Variants in CDKL1 observed in about 807,000 individuals in gnomAD.
CDKL1 encodes the protein cyclin-dependent kinase-like 1.
A neutral mutation model predicts 42.0 loss-of-function variants in CDKL1; 41 were observed. That is an observed-to-expected ratio of 0.98 (90% CI 0.76 to 1.27). The LOEUF (loss-of-function observed/expected upper bound fraction) is 1.27. CDKL1 is among the 50% of genes most tolerant of loss of function. The pLI is 0.00. For missense variants in CDKL1, 394 were observed against 428.4 expected, an observed-to-expected ratio of 0.92 and a Z score of 0.71; for synonymous variants, 153 against 158.6, an observed-to-expected ratio of 0.96 and a Z score of 0.26.
At chr14:50,376,380 T>A (rs2034731994) in intron 2 of CDKL1, 2 of 471,170 alleles carry the variant, frequency 4.2e-6, no homozygotes, top group Non-Finnish European at 8.8e-6. Flanking sequence ...AATAAAAGCA[T>A]CATTGCATAA....
At position 50,395,988 on chromosome 14, in the gene CDKL1, C is replaced by A; in HGVS notation, c.-120G>T. 9.4e-7 allele frequency: 1 copy of A among 1,062,398 alleles called. No homozygotes were observed. Among genetic ancestry groups the A allele is most frequent in the South Asian group, 1.5e-5 (1 of 67,984 alleles). 65.8% of individuals were successfully genotyped at this position (1,062,398 alleles called of 1,614,324 possible). A position where few individuals can be genotyped will look rare whatever the true frequency, so the allele number is the denominator to read the frequency against. On this transcript the variant is annotated 5_prime_UTR_variant, in exon 2 of 10. Transcript: ENST00000395834. ...TCACCTGAGGTCAGGAGTTCGAGACCAGTCTGGCCAACATACTGAAACTCC... is the reference window on the plus strand; with the variant it reads ...TCACCTGAGGTCAGGAGTTCGAGACAAGTCTGGCCAACATACTGAAACTCC...
chr14:50,366,655 T>C (rs2034443855), intron 2 of CDKL1, among the ~76,000 whole-genome samples: 1 of 152,210 alleles, frequency 6.6e-6, no homozygotes, highest in South Asian at 2.1e-4. Flanking sequence ...TTGTGGTGAC[T>C]TGGAGCAGAG....
intron 2 of CDKL1, among the ~76,000 whole-genome samples, chr14:50,368,501 C>T (rs192605892): frequency 9.2e-5 from 14 of 152,190 alleles, no homozygotes; most frequent in East Asian, 7.7e-4. Flanking sequence ...TGGGCTCAAG[C>T]GATCCTCTCA....
chr14:50,372,969 G>A (rs1308789886), intron 2 of CDKL1, among the ~76,000 whole-genome samples: 1 of 151,992 alleles, frequency 6.6e-6, no homozygotes, highest in Non-Finnish European at 1.5e-5. Context: ...CAGGTAGTGT[G>A]ATGGCTCCAG....
At chr14:50,330,507 C>T (rs2032876500) in intron 9 of CDKL1, 4 of 258,400 alleles carry the variant, frequency 1.5e-5, no homozygotes, top group Non-Finnish European at 2.9e-5. Flanking sequence ...TCATTTAAGC[C>T]AATGCCTTGT....
chr14:50,338,588 T>G (rs1159829520), intron 7 of CDKL1, among the ~76,000 whole-genome samples: 1 of 151,708 alleles, frequency 6.6e-6, no homozygotes, highest in Non-Finnish European at 1.5e-5. Flanking sequence ...CATAGTAGAG[T>G]AGGGAATTTG....
chr14:50,393,523 A>G (rs2035317793), intron 2 of CDKL1, among the ~76,000 whole-genome samples: 1 of 152,158 alleles, frequency 6.6e-6, no homozygotes, highest in Non-Finnish European at 1.5e-5. Flanking sequence ...CACCCAGGCT[A>G]GATAGAATAC....
chr14:50,329,923 TC>T lies in CDKL1; in HGVS notation c.*150del. The T allele has an allele frequency of 3.3e-6, 3 of 898,018 alleles. No homozygotes were observed. The highest frequency in any genetic ancestry group is 6.9e-5 in the Admixed American group (2 of 29,094). The allele number at this position is 898,018 out of a possible 1,614,324, so 55.6% of individuals were successfully genotyped here. A position where few individuals can be genotyped will look rare whatever the true frequency, so the allele number is the denominator to read the frequency against. Reference sequence around the variant, plus strand: ...GGAAGACTGGATCTGGAATTTCCCTTCATATCTTGCCAGTTGGCCTCCCAGT... The same window carrying T: ...GGAAGACTGGATCTGGAATTTCCCTTATATCTTGCCAGTTGGCCTCCCAGT... On this transcript the variant is annotated 3_prime_UTR_variant, in exon 10 of 10. Transcript: ENST00000395834.
chr14:50,380,227 G>A (rs751577343), intron 2 of CDKL1: 1 of 532,484 alleles, frequency 1.9e-6, no homozygotes, highest in Admixed American at 1.9e-5. Context: ...TAAATCCGAA[G>A]CAAAACTGCA....
At chr14:50,336,995 T>G (rs1363663078) in intron 7 of CDKL1, among the ~76,000 whole-genome samples, 1 of 152,114 alleles carries the variant, frequency 6.6e-6, no homozygotes, top group Non-Finnish European at 1.5e-5. Flanking sequence ...ACATACTGGT[T>G]TTTTTGTTTG....
At chr14:50,358,636 CTT>C (rs71118873) in intron 3 of CDKL1, among the ~76,000 whole-genome samples, 89 of 67,648 alleles carry the variant, frequency 1.3e-3, no homozygotes, top group African/African-American at 4.1e-3. Context: ...TTTAACTAGT[CTT>C]TTTTTTTTTT....
chr14:50,382,621 G>A (rs1006689545), intron 2 of CDKL1, among the ~76,000 whole-genome samples: 3 of 141,292 alleles, frequency 2.1e-5, no homozygotes, highest in Admixed American at 2.1e-4. Flanking sequence ...TTTGGCCAGG[G>A]TCTCACTCTG....
intron 7 of CDKL1, chr14:50,335,523 TTGCGCCAG>T: frequency 6.5e-7 from 1 of 1,536,062 alleles, no homozygotes; most frequent in Non-Finnish European, 8.7e-7. Context: ...TAAGGCGATT[TTGCGCCAG>T]TCACGTGCTG....
intron 2 of CDKL1, chr14:50,390,561 TTGTTTTGTATC>T (rs1480710458): frequency 9.6e-6 from 3 of 313,984 alleles, no homozygotes; most frequent in South Asian, 5.0e-5. Flanking sequence ...TGGTTTGTAT[TTGTTTTGTATC>T]TGTTTGTTTT....
intron 3 of CDKL1, 45 bp from the exon 4 acceptor site, chr14:50,345,103 T>C: frequency 1.3e-6 from 2 of 1,565,312 alleles, no homozygotes; most frequent in East Asian, 2.2e-5. Flanking sequence ...AGTGTAGCCA[T>C]GGAATTCAGC....
intron 4 of CDKL1, 155 bp from the exon 5 acceptor site, chr14:50,342,377 T>G: frequency 1.4e-6 from 2 of 1,411,416 alleles, no homozygotes; most frequent in Non-Finnish European, 1.8e-6. Context: ...ATAAATCTAG[T>G]ACCATGCCTG....
rs191311237 is a variant in CDKL1, at chr14:50,371,357, G to T, written c.169-12208C>A. Among the ~76,000 whole-genome samples, 476 of 152,174 alleles carry T rather than the reference G, an allele frequency of 3.1e-3. 1 individual carries two copies. The Middle Eastern group carries it at 0.044, about 14-fold the overall frequency. On this transcript the variant is annotated intron_variant, in intron 2 of 9. Coordinates refer to ENST00000395834, the MANE Select transcript of CDKL1 (RefSeq NM_004196.7). ...TTACATTCCCATCAACAACTTTAAG[G>T]GTTTCTTTTTCTCCACATCCTCGCC...
chr14:50,374,659 T>A (rs1457857549), intron 2 of CDKL1, among the ~76,000 whole-genome samples: 1 of 152,200 alleles, frequency 6.6e-6, no homozygotes, highest in African/African-American at 2.4e-5. Flanking sequence ...GAACTCTTGT[T>A]TAGCTTAATA....
intron 2 of CDKL1, among the ~76,000 whole-genome samples, chr14:50,391,083 T>C (rs986670695): frequency 1.3e-5 from 2 of 152,150 alleles, no homozygotes; most frequent in Admixed American, 6.6e-5. Context: ...GATCAGCACG[T>C]TGGCCTCCCA....
Sources: allele counts gnomAD v4.1 joint callset (sites outside exome capture counted in the v4.1 genomes callset), GRCh38; gene constraint gnomAD v4.1.1; transcripts MANE v1.5; gene names NCBI Gene and HGNC (gene_info 2026-07-23, HGNC 2026-07-21).